The following NTAN1 variants were observed in gnomAD, a reference collection of about 807,000 sequenced individuals.
The protein encoded by NTAN1 is N-terminal asparagine amidase, also known as protein N-terminal asparagine amidohydrolase.
A neutral mutation model predicts 41.9 loss-of-function variants in NTAN1; 32 were observed. The ratio of observed to expected loss-of-function variants is 0.76; its 90% CI spans 0.58 to 1.03. The LOEUF (loss-of-function observed/expected upper bound fraction) is 1.03, where lower values mean the gene tolerates loss of function less well. Among genes scored for constraint, NTAN1 ranks in the 50% least tolerant of loss-of-function variants. The probability of loss-of-function intolerance (pLI) is 0.00; values close to 1 mark genes in which losing one functional copy is unlikely to be tolerated. For synonymous variants in NTAN1, 140 were observed against 139.5 expected (o/e 1.00, Z -0.03); for missense variants, 377 against 377.5 (o/e 1.00, Z 0.01).
chr16:15,055,325 G>A (rs920873811), intron 1 of NTAN1, among the ~76,000 whole-genome samples: 1 of 152,212 alleles, frequency 6.6e-6, no homozygotes, highest in Non-Finnish European at 1.5e-5. Context: ...TGGCCCAGCT[G>A]CGGAAAGCAG....
intron 9 of NTAN1, 148 bp from the exon 10 acceptor site, chr16:15,038,358 G>A (rs895063868): frequency 4.6e-6 from 3 of 657,894 alleles, no homozygotes; most frequent in Non-Finnish European, 7.7e-6. Flanking sequence ...TAAGAAAAAA[G>A]TTGATTGCTT....
chr16:15,047,382 C>T (rs1184686188), intron 4 of NTAN1, 60 bp downstream of exon 4: 8 of 1,097,918 alleles, frequency 7.3e-6, no homozygotes, highest in Admixed American at 3.4e-5. Flanking sequence ...TCCACAGCCA[C>T]GTCCTGTATG....
intron 5 of NTAN1, 146 bp downstream of exon 5, chr16:15,044,188 T>C (rs1367181937): frequency 9.6e-6 from 6 of 626,020 alleles, no homozygotes; most frequent in Non-Finnish European, 1.4e-5. Context: ...TTCTGTGAAA[T>C]TCCAAGCTGG....
At chr16:15,042,277 C>A (rs2043852518) in intron 5 of NTAN1, among the ~76,000 whole-genome samples, 1 of 151,588 alleles carries the variant, frequency 6.6e-6, no homozygotes. Context: ...TCTCCACCTC[C>A]CAGGTTCAAG....
chr16:15,053,518 A>G (rs1291349935), intron 1 of NTAN1, among the ~76,000 whole-genome samples: 4 of 152,254 alleles, frequency 2.6e-5, no homozygotes, highest in African/African-American at 9.6e-5. Context: ...AACCTTCATT[A>G]GGACTTTCAC....
intron 1 of NTAN1, among the ~76,000 whole-genome samples, chr16:15,049,808 C>T (rs1330703466): frequency 6.6e-6 from 1 of 152,156 alleles, no homozygotes; most frequent in Non-Finnish European, 1.5e-5. Flanking sequence ...GTCACAGCCA[C>T]TAACTGCACA....
intron 1 of NTAN1, among the ~76,000 whole-genome samples, chr16:15,050,389 C>A (rs2044248569): frequency 6.6e-6 from 1 of 152,188 alleles, no homozygotes; most frequent in South Asian, 2.1e-4. Flanking sequence ...CTATCAGCTT[C>A]TTGCCATTTC....
intron 5 of NTAN1, among the ~76,000 whole-genome samples, chr16:15,042,442 G>A (rs571499822): frequency 5.9e-5 from 9 of 152,114 alleles, no homozygotes; most frequent in Non-Finnish European, 7.4e-5. Flanking sequence ...CACCTGCCTC[G>A]GCTGCCCAAA....
intron 8 of NTAN1, 113 bp from the exon 9 acceptor site, chr16:15,038,800 C>G (rs796141210): frequency 1.6e-6 from 1 of 613,816 alleles, no homozygotes; most frequent in African/African-American, 1.9e-5. Context: ...GCCTAAGCTT[C>G]TTAAAACCTG....
intron 1 of NTAN1, among the ~76,000 whole-genome samples, chr16:15,051,340 G>C (rs1488622126): frequency 6.6e-6 from 1 of 152,202 alleles, no homozygotes; most frequent in Non-Finnish European, 1.5e-5. Flanking sequence ...TAAAACAGTA[G>C]ACTGCTTTGC....
intron 1 of NTAN1, 69 bp downstream of exon 1, chr16:15,055,822 G>A: frequency 4.8e-6 from 4 of 840,024 alleles, no homozygotes; most frequent in South Asian, 5.9e-5. Flanking sequence ...GTCGCGTGAG[G>A]GGGGCGCTAG....
At position 15,046,439 on chromosome 16, in the gene NTAN1, C is replaced by A. The variant is rs186843229; in HGVS notation, c.359+1003G>T. On this transcript the variant is annotated intron_variant, in intron 4 of 9. Transcript: ENST00000287706. ...ACAGCAGGCCTGTGTCGTCGGCCTC[C>A]ACCTAGCTCCTGTGTGCTCCAGCAC... is the stretch of plus-strand genomic sequence containing the variant. Among the ~76,000 whole-genome samples the A allele has an allele frequency of 1.3e-3, 204 of 152,278 alleles. 1 individual carries two copies. The highest frequency in any genetic ancestry group is 1.1e-3 in the Non-Finnish European group (73 of 68,006).
chr16:15,042,926 G>A (rs1597772536), intron 5 of NTAN1, among the ~76,000 whole-genome samples: 1 of 137,508 alleles, frequency 7.3e-6, no homozygotes, highest in East Asian at 2.1e-4. Context: ...TTGAGATGGA[G>A]TTTAGCTCTT....
At chr16:15,054,315 T>C (rs1365630723) in intron 1 of NTAN1, among the ~76,000 whole-genome samples, 1 of 152,220 alleles carries the variant, frequency 6.6e-6, no homozygotes, top group Non-Finnish European at 1.5e-5. Context: ...TCTTCTTAAA[T>C]AGGCCAAAAC....
Position 15,038,595 on chromosome 16 carries a change from T to C in NTAN1, c.732A>G (p.Gln244=). ...TCACCTCTAGTATTTGCTTGTCATC[T>C]TGGTGCAACCAGAAATCCACATGTG... ...PFPHVDFWLH[Q]DDKQILENLS... Residue 244 remains glutamine (Q), a synonymous_variant, in exon 9 of 10, where the codon CAA becomes CAG. Transcript: ENST00000287706. 1 of 1,598,488 alleles carries C rather than the reference T, an allele frequency of 6.3e-7. No homozygotes were observed. Among genetic ancestry groups the C allele is most frequent in the South Asian group, 1.1e-5 (1 of 90,660 alleles).
rs943079880 is a variant in NTAN1, at chr16:15,056,049, G to C, written c.-78C>G. 1 of 571,344 alleles carries C rather than the reference G, an allele frequency of 1.8e-6. No individual in the cohort carries two copies. The highest frequency in any genetic ancestry group is 2.3e-6 in the Non-Finnish European group (1 of 436,360). The allele number at this position is 571,344 out of a possible 1,614,324, so 35.4% of individuals were successfully genotyped here. On this transcript the variant is annotated 5_prime_UTR_variant, in exon 1 of 10. Coordinates refer to ENST00000287706, the MANE Select transcript of NTAN1 (RefSeq NM_173474.4). ...CAGCCCCGGGCCGCCCGCCGCCCCC[G>C]CCCCTCGGGCCGCGCGTCCCGCCTC... is the stretch of plus-strand genomic sequence containing the variant.
At chr16:15,052,024 G>C (rs560830772) in intron 1 of NTAN1, among the ~76,000 whole-genome samples, 1 of 151,016 alleles carries the variant, frequency 6.6e-6, no homozygotes, top group East Asian at 1.9e-4. Context: ...AAAAAAAAAA[G>C]CTTTTCCCTC....
rs1258751180 is a variant in NTAN1, at chr16:15,056,007, G to C, written c.-36C>G. ...GCCGCCCAGGCAGGCCCAGGGAGGC[G>C]GCGGCCCCCCGCTTTGCAGCCCCGG... is the stretch of plus-strand genomic sequence containing the variant. On this transcript the variant is annotated 5_prime_UTR_variant, in exon 1 of 10. Transcript: ENST00000287706. 16 of 1,138,946 alleles carry C rather than the reference G, an allele frequency of 1.4e-5. No individual in the cohort carries two copies. Among genetic ancestry groups the C allele is most frequent in the Non-Finnish European group, 1.6e-5 (15 of 915,064 alleles). 70.6% of individuals were successfully genotyped at this position (1,138,946 alleles called of 1,614,324 possible). A position where few individuals can be genotyped will look rare whatever the true frequency, so the allele number is the denominator to read the frequency against.
rs2043582889 is a variant in NTAN1, at chr16:15,037,863, A to AAAAT, written c.*164_*167dup. On this transcript the variant is annotated 3_prime_UTR_variant, in exon 10 of 10. Transcript: ENST00000287706. ...ATAAGTCTCAACAAATGCCTTTGCC[A>AAAAT]AAATAAGGTTTTATTTTGAAAGTCA... The AAAAT allele has an allele frequency of 3.7e-6, 2 of 533,700 alleles. No individual in the cohort carries two copies. Among genetic ancestry groups the AAAAT allele is most frequent in the African/African-American group, 1.9e-5 (1 of 52,334 alleles). The allele number at this position is 533,700 out of a possible 1,614,324, so 33.1% of individuals were successfully genotyped here.
Sources: allele counts gnomAD v4.1 joint callset (sites outside exome capture counted in the v4.1 genomes callset), GRCh38; gene constraint gnomAD v4.1.1; transcripts MANE v1.5; gene names NCBI Gene and HGNC (gene_info 2026-07-23, HGNC 2026-07-21).